ARSJ: variants seen among roughly 807,000 people sequenced by gnomAD.
ARSJ encodes arylsulfatase family member J, also known as arylsulfatase J.
In ARSJ, 26 loss-of-function variants were observed where a neutral mutation model predicts 35.9. The observed-to-expected ratio is 0.72, with a 90% confidence interval of 0.53 to 1.00. The LOEUF is 1.00. Ranked by LOEUF, ARSJ falls within the 50% of genes least tolerant of loss-of-function variation. The pLI is 0.00. For missense variants in ARSJ, 667 were observed against 723.6 expected, an observed-to-expected ratio of 0.92 and a Z score of 0.90; for synonymous variants, 294 against 267.6, an observed-to-expected ratio of 1.10 and a Z score of -0.96.
chr4:113,973,710 A>G (rs550511955), intron 1 of ARSJ, among the ~76,000 whole-genome samples: 1 of 152,244 alleles, frequency 6.6e-6, no homozygotes, highest in East Asian at 1.9e-4. Flanking sequence ...TCAGCTAATT[A>G]CCTGTAGGAT....
At position 113,979,485 on chromosome 4, in the gene ARSJ, C is replaced by G. The variant is rs1017861660; in HGVS notation, c.-651G>C. 6.6e-6 allele frequency: 1 copy of G among 152,436 alleles called. No homozygotes were observed. Among genetic ancestry groups the G allele is most frequent in the South Asian group, 2.1e-4 (1 of 4,836 alleles). 9.4% of individuals were successfully genotyped at this position (152,436 alleles called of 1,614,324 possible). ...CGGCGAAGTGAGGAAGAAGCCGTTT[C>G]CTGATCTCCCTCCACCTCCGCAGAA... On this transcript the variant is annotated 5_prime_UTR_variant, in exon 1 of 2. Transcript: ENST00000315366.
chr4:113,935,635 T>C (rs1429528200), intron 1 of ARSJ, among the ~76,000 whole-genome samples: 1 of 151,914 alleles, frequency 6.6e-6, no homozygotes, highest in African/African-American at 2.4e-5. Flanking sequence ...AAGTTATCAC[T>C]TAAAAGGTCA....
At position 113,971,437 on chromosome 4, in the gene ARSJ, T is replaced by A. The variant is rs553411026; in HGVS notation, c.398+7000A>T. ...AGGAATTCACTTCAATGGCTTTTTT[T>A]AAAGACTCTTTAAAATTATGGACTT... is the stretch of plus-strand genomic sequence containing the variant. On this transcript the variant is annotated intron_variant, in intron 1 of 1. Coordinates refer to ENST00000315366, the MANE Select transcript of ARSJ (RefSeq NM_024590.4). 2.5e-4 allele frequency among the ~76,000 whole-genome samples: 38 copies of A among 152,336 alleles called. 1 individual carries two copies. Among genetic ancestry groups the A allele is most frequent in the Non-Finnish European group, 3.4e-4 (23 of 68,022 alleles).
At chr4:113,910,298 C>T (rs2099670062) in intron 1 of ARSJ, among the ~76,000 whole-genome samples, 1 of 152,112 alleles carries the variant, frequency 6.6e-6, no homozygotes, top group Non-Finnish European at 1.5e-5. Context: ...ATGAATTCTT[C>T]TTTGTCTGAA....
Position 113,903,465 on chromosome 4 carries a change from A to G in ARSJ, c.609T>C (p.Ser203=), listed in dbSNP as rs2149246623. 1 of 1,614,168 alleles carries G rather than the reference A, an allele frequency of 6.2e-7. No individual in the cohort carries two copies. The highest frequency in any genetic ancestry group is 2.2e-5 in the East Asian group (1 of 44,884). The change falls in exon 2 of 2, where the codon AGT becomes AGC. Residue 203 remains serine, a synonymous_variant. Coordinates refer to ENST00000315366, the MANE Select transcript of ARSJ (RefSeq NM_024590.4). ...ATTTGTAGTGTGTATAGTAATCCCC[A>G]CTTCCCAAAAGGGAACCAAAAAAGG... The part of the protein sequence containing the change: ...FDTFFGSLLG[S]GDYYTHYKCD...
intron 1 of ARSJ, among the ~76,000 whole-genome samples, chr4:113,960,405 A>G (rs747340614): frequency 1.3e-4 from 20 of 152,044 alleles, no homozygotes; most frequent in Non-Finnish European, 2.6e-4. Context: ...CTGTTTTATA[A>G]TTATTTTCTG....
In ARSJ at chr4:113,900,824, A is replaced by C. The variant is rs6845664; in HGVS notation, c.*1450T>G. ...TGATAATACTCCTTTAATTCTCCTC[A>C]TGACGTTTGCATGTGGGGTTTCCAA... On this transcript the variant is annotated 3_prime_UTR_variant, in exon 2 of 2. Transcript: ENST00000315366. The C allele has an allele frequency of 6.6e-6, 1 of 152,050 alleles. No individual in the cohort carries two copies. The highest frequency in any genetic ancestry group is 1.9e-4 in the East Asian group (1 of 5,192). 9.4% of individuals were successfully genotyped at this position (152,050 alleles called of 1,614,324 possible). A position where few individuals can be genotyped will look rare whatever the true frequency, so the allele number is the denominator to read the frequency against.
chr4:113,905,141 T>C (rs72893420), intron 1 of ARSJ, among the ~76,000 whole-genome samples: 2,750 of 152,330 alleles, frequency 0.018, 73 homozygotes, highest in African/African-American at 0.064. Flanking sequence ...GGCCATGATA[T>C]ACTAGTTAGT....
In ARSJ at chr4:113,902,847, C is replaced by G. The variant is rs1350467028; in HGVS notation, c.1227G>C (p.Glu409Asp). 1 of 1,614,156 alleles carries G rather than the reference C, an allele frequency of 6.2e-7. No homozygotes were observed. ...TATCTACTCGGGGTGAGCGAAGACC[C>G]TCACTTATGGTCTCCCAGATATCAT... ...DGYDIWETIS[E>D]GLRSPRVDIL... Residue 409 changes from glutamate to aspartate, a missense_variant, in exon 2 of 2, where the codon GAG becomes GAC. Physicochemically the swap from Glu to Asp is conservative, Grantham distance 45. Transcript: ENST00000315366.
At chr4:113,964,530 G>A (rs1221759866) in intron 1 of ARSJ, among the ~76,000 whole-genome samples, 1 of 152,078 alleles carries the variant, frequency 6.6e-6, no homozygotes, top group Non-Finnish European at 1.5e-5. Context: ...TGAACTCTAT[G>A]AGACCTTAAA....
At chr4:113,924,715 T>C (rs1006044107) in intron 1 of ARSJ, among the ~76,000 whole-genome samples, 28 of 152,098 alleles carry the variant, frequency 1.8e-4, no homozygotes, top group African/African-American at 6.5e-4. Context: ...TTATGGCATA[T>C]GATAAAGGAA....
intron 1 of ARSJ, among the ~76,000 whole-genome samples, chr4:113,915,489 T>C (rs1054032397): frequency 6.6e-6 from 1 of 152,134 alleles, no homozygotes; most frequent in African/African-American, 2.4e-5. Context: ...TCTTTCCTCC[T>C]CTACTACATG....
intron 1 of ARSJ, among the ~76,000 whole-genome samples, chr4:113,964,179 A>T (rs1269574382): frequency 6.6e-6 from 1 of 152,056 alleles, no homozygotes; most frequent in East Asian, 1.9e-4. Flanking sequence ...GATGGCCATA[A>T]CACTTTAGAA....
intron 1 of ARSJ, among the ~76,000 whole-genome samples, chr4:113,951,813 T>A (rs1472979738): frequency 6.6e-6 from 1 of 152,078 alleles, no homozygotes; most frequent in Non-Finnish European, 1.5e-5. Flanking sequence ...ATCATGCGTT[T>A]AAGAGTTTGA....
At chr4:113,943,154 C>A (rs1410665213) in intron 1 of ARSJ, 1 of 151,926 alleles carries the variant, frequency 6.6e-6, no homozygotes, top group African/African-American at 2.4e-5. Context: ...GCCATAGGCT[C>A]CAATTTCAAC....
At chr4:113,954,462 G>T (rs975548703) in intron 1 of ARSJ, among the ~76,000 whole-genome samples, 3 of 151,954 alleles carry the variant, frequency 2.0e-5, no homozygotes, top group Admixed American at 6.6e-5. Flanking sequence ...AAATAAATGG[G>T]ATGTTTGTTT....
intron 1 of ARSJ, among the ~76,000 whole-genome samples, chr4:113,916,088 C>T (rs1723278289): frequency 2.0e-5 from 3 of 152,176 alleles, no homozygotes; most frequent in African/African-American, 7.2e-5. Context: ...AGGGTGTTTC[C>T]TGGGTGGTAT....
intron 1 of ARSJ, among the ~76,000 whole-genome samples, chr4:113,945,021 T>C (rs867806058): frequency 3.3e-5 from 5 of 152,120 alleles, no homozygotes; most frequent in Admixed American, 1.3e-4. Context: ...TGTTTATATC[T>C]GAATAGGAAT....
intron 1 of ARSJ, among the ~76,000 whole-genome samples, chr4:113,944,943 T>G (rs1018661680): frequency 3.3e-5 from 5 of 152,114 alleles, no homozygotes; most frequent in South Asian, 4.1e-4. Flanking sequence ...AATTCCCATT[T>G]GAATTTGTAT....
Sources: gnomAD v4.1 joint callset for allele counts (sites outside exome capture counted in the v4.1 genomes callset) on GRCh38, gnomAD v4.1.1 for gene constraint, MANE v1.5 for transcripts, NCBI Gene and HGNC (gene_info 2026-07-23, HGNC 2026-07-21) for gene names.